STARD13: variants seen among roughly 807,000 people sequenced by gnomAD.
STARD13 encodes StAR related lipid transfer domain containing 13.
In STARD13, 62 loss-of-function variants were observed where a neutral mutation model predicts 106.4. The ratio of observed to expected loss-of-function variants is 0.58; its 90% CI spans 0.48 to 0.72. The LOEUF is 0.72. Among genes scored for constraint, STARD13 ranks in the 30% least tolerant of loss-of-function variants. STARD13 has a pLI of 0.00. For missense variants in STARD13, 1,387 were observed against 1,424.0 expected, an observed-to-expected ratio of 0.97 and a Z score of 0.42; for synonymous variants, 565 against 553.0, an observed-to-expected ratio of 1.02 and a Z score of -0.31.
At chr13:33,531,602 G>A in the STARD13 span, among the ~76,000 whole-genome samples, 1 of 152,200 alleles carries the variant, frequency 6.6e-6, no homozygotes, top group South Asian at 2.1e-4. Context: ...ATTATTTCAA[G>A]AACACAATCC....
intron 3 of STARD13, among the ~76,000 whole-genome samples, chr13:33,146,362 T>C (rs1413638099): frequency 6.6e-6 from 1 of 151,762 alleles, no homozygotes; most frequent in Non-Finnish European, 1.5e-5. Flanking sequence ...CACGTGCCTG[T>C]AGTCCTAGCT....
the STARD13 span, among the ~76,000 whole-genome samples, chr13:33,372,502 A>C: frequency 0.05 from 6,793 of 135,890 alleles, 194 homozygotes; most frequent in Non-Finnish European, 0.074. Flanking sequence ...CTTCTGAATG[A>C]CTTTCTCTTG....
At chr13:33,603,248 T>C in the STARD13 span, among the ~76,000 whole-genome samples, 1 of 152,196 alleles carries the variant, frequency 6.6e-6, no homozygotes, top group Admixed American at 6.5e-5. Context: ...GTTTTAGCCG[T>C]CAGGGAGATG....
the STARD13 span, among the ~76,000 whole-genome samples, chr13:33,562,333 C>G: frequency 6.8e-6 from 1 of 146,574 alleles, no homozygotes; most frequent in Non-Finnish European, 1.5e-5. Context: ...CTGCCTACAT[C>G]TTTTTACCTA....
intron 1 of STARD13, among the ~76,000 whole-genome samples, chr13:33,324,921 A>T (rs2077756364): frequency 6.6e-6 from 1 of 152,188 alleles, no homozygotes; most frequent in African/African-American, 2.4e-5. Context: ...CTGCTCCTCC[A>T]GACTGTACCG....
At chr13:33,453,252 C>T in the STARD13 span, among the ~76,000 whole-genome samples, 2 of 152,150 alleles carry the variant, frequency 1.3e-5, no homozygotes, top group Admixed American at 1.3e-4. Context: ...AACAACAAAA[C>T]ATGCTATGCT....
the STARD13 span, among the ~76,000 whole-genome samples, chr13:33,597,898 A>G: frequency 8.5e-5 from 13 of 152,112 alleles, no homozygotes; most frequent in African/African-American, 2.4e-4. Flanking sequence ...GACACTCAAC[A>G]TCTAATTAGG....
In STARD13 at chr13:33,159,636, C is replaced by T. The variant is rs553613419; in HGVS notation, c.323+5701G>A. Among the ~76,000 whole-genome samples the T allele has an allele frequency of 2.0e-5, 3 of 152,318 alleles. 1 individual carries two copies. In the South Asian group the frequency reaches 6.2e-4, roughly 32 times the overall value. On this transcript the variant is annotated intron_variant, in intron 3 of 13. Coordinates refer to ENST00000336934, the MANE Select transcript of STARD13 (RefSeq NM_178006.4). ...TCTTCAGGAAACTACTACAAAGCTA[C>T]TAGAACTCATGAGTGAGTTTTAGAA... is the stretch of plus-strand genomic sequence containing the variant.
chr13:33,431,732 T>G, the STARD13 span, among the ~76,000 whole-genome samples: 75,035 of 152,028 alleles, frequency 0.49, 19,533 homozygotes, highest in African/African-American at 0.67. Flanking sequence ...AGATAATAGT[T>G]ATATTGCTTA....
chr13:33,428,168 A>C, the STARD13 span, among the ~76,000 whole-genome samples: 25 of 152,230 alleles, frequency 1.6e-4, no homozygotes, highest in Non-Finnish European at 3.2e-4. Context: ...TTATATACAC[A>C]AAATGACTTA....
the STARD13 span, among the ~76,000 whole-genome samples, chr13:33,607,066 G>A: frequency 6.6e-6 from 1 of 150,732 alleles, no homozygotes; most frequent in African/African-American, 2.4e-5. Flanking sequence ...AGTTCCCAGG[G>A]ATTACAAAGT....
the STARD13 span, among the ~76,000 whole-genome samples, chr13:33,585,756 G>A: frequency 3.3e-5 from 5 of 152,124 alleles, no homozygotes; most frequent in Non-Finnish European, 7.4e-5. Context: ...GCCTTAAAAA[G>A]GAGAGAAATT....
intron 4 of STARD13, among the ~76,000 whole-genome samples, chr13:33,132,154 G>A (rs2858826): frequency 0.33 from 49,658 of 152,088 alleles, 8,824 homozygotes; most frequent in Non-Finnish European, 0.41. Context: ...AAGTGAAAGC[G>A]AGTACAAAGC....
the STARD13 span, among the ~76,000 whole-genome samples, chr13:33,435,749 T>A: frequency 6.6e-6 from 1 of 152,186 alleles, no homozygotes. Context: ...ATCTTTGTAT[T>A]GCTAATGCCT....
chr13:33,579,770 A>T, the STARD13 span, among the ~76,000 whole-genome samples: 10 of 151,946 alleles, frequency 6.6e-5, no homozygotes, highest in Admixed American at 5.2e-4. Flanking sequence ...ATCTGAACAG[A>T]CACCTCATTA....
chr13:33,499,609 T>TCTTC, the STARD13 span, among the ~76,000 whole-genome samples: 2 of 74,420 alleles, frequency 2.7e-5, no homozygotes, highest in Non-Finnish European at 5.3e-5. Context: ...TCTTCTTTCT[T>TCTTC]CTTCTTCTTC....
chr13:33,126,915 C>T (rs1199245365), intron 6 of STARD13, among the ~76,000 whole-genome samples: 1 of 152,174 alleles, frequency 6.6e-6, no homozygotes, highest in Non-Finnish European at 1.5e-5. Flanking sequence ...AGGTTTACTG[C>T]ATATTCTTGT....
In STARD13 at chr13:33,118,638, G is replaced by A. The variant is rs552938674; in HGVS notation, c.2083-375C>T. On this transcript the variant is annotated intron_variant, in intron 7 of 13. Coordinates refer to ENST00000336934, the MANE Select transcript of STARD13 (RefSeq NM_178006.4). ...AGTTCCTAGGTGTCATTAGTGAGCA[G>A]AACAGATAAAATTCCCTGCCCTTTA... Among the ~76,000 whole-genome samples the A allele has an allele frequency of 3.3e-5, 5 of 152,314 alleles. No homozygotes were observed. In the East Asian group the frequency reaches 9.6e-4, roughly 29 times the overall value.
At chr13:33,531,338 A>T in the STARD13 span, among the ~76,000 whole-genome samples, 20 of 152,322 alleles carry the variant, frequency 1.3e-4, no homozygotes, top group Non-Finnish European at 2.8e-4. Context: ...AGCTCTTTTT[A>T]AAAAAGTATC....
Sources: gnomAD v4.1 joint callset for allele counts (sites outside exome capture counted in the v4.1 genomes callset) on GRCh38, gnomAD v4.1.1 for gene constraint, MANE v1.5 for transcripts, NCBI Gene and HGNC (gene_info 2026-07-23, HGNC 2026-07-21) for gene names.